The following MBD5 variants were observed in gnomAD, a reference collection of about 807,000 sequenced individuals.
The protein encoded by MBD5 is methyl-CpG-binding domain protein 5.
MBD5 carries 13 observed loss-of-function variants against 117.3 expected under a neutral mutation model. The ratio of observed to expected loss-of-function variants is 0.11; its 90% CI spans 0.07 to 0.18. MBD5 has a LOEUF of 0.18. Ranked by LOEUF, MBD5 falls within the 10% of genes least tolerant of loss-of-function variation. The pLI is 1.00. For missense variants in MBD5, 1,879 were observed against 2,093.8 expected (o/e 0.90, Z 2.00); for synonymous variants, 727 against 766.4 (o/e 0.95, Z 0.85).
chr2:148,060,675 A>G (rs2105822980), intron 1 of MBD5, among the ~76,000 whole-genome samples: 1 of 152,286 alleles, frequency 6.6e-6, no homozygotes, highest in South Asian at 2.1e-4. Flanking sequence ...AAAAGCAATT[A>G]CTTTCAAGTT....
At chr2:148,064,892 A>G (rs1695143506) in intron 1 of MBD5, among the ~76,000 whole-genome samples, 1 of 152,120 alleles carries the variant, frequency 6.6e-6, no homozygotes, top group South Asian at 2.1e-4. Context: ...ATAGCCCACT[A>G]CTTTTATATT....
chr2:148,319,389 G>A (rs532464703), intron 3 of MBD5, among the ~76,000 whole-genome samples: 2 of 152,120 alleles, frequency 1.3e-5, no homozygotes, highest in South Asian at 2.1e-4. Context: ...ATCCATGAGC[G>A]TAGGATGTTT....
At chr2:148,256,668 T>C (rs1700597995) in intron 3 of MBD5, among the ~76,000 whole-genome samples, 1 of 152,256 alleles carries the variant, frequency 6.6e-6, no homozygotes, top group South Asian at 2.1e-4. Flanking sequence ...AGTACTAGGT[T>C]GGACTGCAAC....
intron 1 of MBD5, among the ~76,000 whole-genome samples, chr2:148,079,810 T>C: frequency 6.6e-6 from 1 of 151,822 alleles, no homozygotes; most frequent in East Asian, 1.9e-4. Flanking sequence ...TGAGCTGAGA[T>C]CGCACCATTG....
intron 1 of MBD5, among the ~76,000 whole-genome samples, chr2:148,173,492 T>A (rs545824858): frequency 1.3e-5 from 2 of 151,708 alleles, no homozygotes; most frequent in Non-Finnish European, 2.9e-5. Context: ...TGGGCCAGTA[T>A]CATGAGCTGA....
chr2:148,158,533 G>T (rs1697926419), intron 1 of MBD5, among the ~76,000 whole-genome samples: 1 of 152,106 alleles, frequency 6.6e-6, no homozygotes, highest in Non-Finnish European at 1.5e-5. Context: ...AAGAGAAAAC[G>T]TTACTAGTAT....
chr2:148,254,939 G>T (rs558224434), intron 3 of MBD5, among the ~76,000 whole-genome samples: 1 of 152,290 alleles, frequency 6.6e-6, no homozygotes, highest in East Asian at 1.9e-4. Context: ...TCCAAAGCTT[G>T]CTGCATCATG....
At chr2:148,325,742 C>CTTTT (rs1702429568) in intron 3 of MBD5, among the ~76,000 whole-genome samples, 1 of 151,568 alleles carries the variant, frequency 6.6e-6, no homozygotes, top group African/African-American at 2.4e-5. Flanking sequence ...CTTTATTAGT[C>CTTTT]TTGCTAGTGG....
chr2:148,460,444 CAAATT>C (rs1302501912), intron 5 of MBD5, among the ~76,000 whole-genome samples: 3 of 152,162 alleles, frequency 2.0e-5, no homozygotes, highest in African/African-American at 7.2e-5. Flanking sequence ...AAAACACTCT[CAAATT>C]AAATTAACCA....
intron 3 of MBD5, among the ~76,000 whole-genome samples, chr2:148,326,256 G>C (rs372008564): frequency 4.5e-4 from 69 of 152,178 alleles, no homozygotes; most frequent in Middle Eastern, 3.4e-3. Context: ...TTACTTCCAA[G>C]TATGTGGTAA....
Position 148,483,725 on chromosome 2 carries a change from G to C in MBD5, c.3134G>C (p.Arg1045Pro). Residue 1045 changes from arginine (R) to proline (P), a missense_variant, in exon 9 of 14, where the codon CGA (arginine) becomes CCA (proline). Coordinates refer to ENST00000642680, the MANE Select transcript of MBD5 (RefSeq NM_001378120.1). ...HLPSNQSDNS[R>P]AETLLTSPLG... ...CCAAGCAATCAGTCAGACAACAGCC[G>C]AGCTGAGACCCTTTTAACCAGCCCC... The C allele has an allele frequency of 6.4e-7, 1 of 1,550,512 alleles. No individual in the cohort carries two copies. The highest frequency in any genetic ancestry group is 8.7e-7 in the Non-Finnish European group (1 of 1,146,952).
At chr2:148,056,100 A>G (rs548379772) in intron 1 of MBD5, 71 of 152,244 alleles carry the variant, frequency 4.7e-4, no homozygotes, top group Admixed American at 1.0e-3. Context: ...TCTTCCCTGT[A>G]ACTTTCTTAT....
At chr2:148,169,900 CTTTT>C (rs11284103) in intron 1 of MBD5, among the ~76,000 whole-genome samples, 8 of 132,072 alleles carry the variant, frequency 6.1e-5, no homozygotes, top group African/African-American at 1.4e-4. Context: ...AGGGATTCTT[CTTTT>C]TTTTTTTTTT....
chr2:148,040,041 G>T (rs80313699), intron 1 of MBD5, among the ~76,000 whole-genome samples: 3 of 151,998 alleles, frequency 2.0e-5, no homozygotes, highest in Admixed American at 1.3e-4. Context: ...AATTAAGGGC[G>T]GGAGGAGGGA....
intron 3 of MBD5, among the ~76,000 whole-genome samples, chr2:148,265,663 T>C (rs1451652193): frequency 6.6e-6 from 1 of 152,184 alleles, no homozygotes; most frequent in Non-Finnish European, 1.5e-5. Flanking sequence ...TTACCCTCAA[T>C]TTACTCTTTC....
chr2:148,204,360 G>C (rs893714914), intron 2 of MBD5, among the ~76,000 whole-genome samples: 1 of 152,034 alleles, frequency 6.6e-6, no homozygotes, highest in Non-Finnish European at 1.5e-5. Context: ...TTTTGTGAAT[G>C]TATATAGATA....
At chr2:148,333,944 G>A (rs1702723664) in intron 3 of MBD5, among the ~76,000 whole-genome samples, 1 of 152,124 alleles carries the variant, frequency 6.6e-6, no homozygotes, top group South Asian at 2.1e-4. Flanking sequence ...GAATGAGAGA[G>A]GGAAAAGTAC....
At chr2:148,510,204 A>G (rs775337113) in intron 13 of MBD5, 69 bp downstream of exon 13, 2 of 1,155,924 alleles carry the variant, frequency 1.7e-6, no homozygotes, top group Non-Finnish European at 2.6e-6. Flanking sequence ...TTTTTGGTAA[A>G]GTCTCTTGAG....
intron 4 of MBD5, among the ~76,000 whole-genome samples, chr2:148,345,474 CAT>C (rs1188861459): frequency 3.4e-4 from 10 of 29,126 alleles, no homozygotes; most frequent in Admixed American, 2.9e-3. Context: ...TGTATATACA[CAT>C]ACATATACAT....
Sources: allele counts gnomAD v4.1 joint callset (sites outside exome capture counted in the v4.1 genomes callset), GRCh38; gene constraint gnomAD v4.1.1; transcripts MANE v1.5; gene names NCBI Gene and HGNC (gene_info 2026-07-23, HGNC 2026-07-21).